OTOGL: variants seen among roughly 807,000 people sequenced by gnomAD.
OTOGL encodes otogelin-like protein.
A neutral mutation model predicts 318.5 loss-of-function variants in OTOGL; 285 were observed. The ratio of observed to expected loss-of-function variants is 0.89; its 90% CI spans 0.81 to 0.99. The LOEUF (loss-of-function observed/expected upper bound fraction) is 0.99. OTOGL is among the 50% of genes least tolerant of loss of function. The pLI is 0.00. For synonymous variants in OTOGL, 987 were observed against 936.5 expected (o/e 1.05, Z -0.99); for missense variants, 2,899 against 2,845.6 (o/e 1.02, Z -0.43).
At chr12:80,186,640 A>C (rs528673314) in intron 1 of OTOGL, among the ~76,000 whole-genome samples, 1 of 152,152 alleles carries the variant, frequency 6.6e-6, no homozygotes, top group African/African-American at 2.4e-5. Context: ...CGTATCGCTC[A>C]CCACTCCCAA....
At chr12:80,194,011 C>T (rs1022075962) in intron 1 of OTOGL, among the ~76,000 whole-genome samples, 1 of 152,088 alleles carries the variant, frequency 6.6e-6, no homozygotes, top group Non-Finnish European at 1.5e-5. Flanking sequence ...GTGTAGTGGA[C>T]CTTTGTTGTT....
In OTOGL at chr12:80,368,321, G is replaced by A; in HGVS notation, c.6615+12G>A. On this transcript the variant is annotated intron_variant, in intron 55 of 58. Transcript: ENST00000547103. ...CAGTTGTATACGCGGTATGTTTCAT[G>A]GAGAGTAATGCTCTGTGCTATTTTC... The A allele has an allele frequency of 6.5e-7, 1 of 1,545,472 alleles. No individual in the cohort carries two copies. Among genetic ancestry groups the A allele is most frequent in the Non-Finnish European group, 8.8e-7 (1 of 1,132,624 alleles).
At chr12:80,191,373 G>C (rs951694187) in intron 1 of OTOGL, among the ~76,000 whole-genome samples, 2 of 152,340 alleles carry the variant, frequency 1.3e-5, no homozygotes, top group Admixed American at 1.3e-4. Context: ...AGGAGGCGGA[G>C]GTTGCAGTGA....
At position 80,355,224 on chromosome 12, in the gene OTOGL, CTTTTCT is replaced by C. The variant is rs765910039; in HGVS notation, c.5594-507_5594-502del. Among the ~76,000 whole-genome samples the C allele has an allele frequency of 3.9e-3, 257 of 65,604 alleles. 3 individuals carry two copies. The highest frequency in any genetic ancestry group is 0.011 in the Middle Eastern group (1 of 92). 43.0% of individuals were successfully genotyped at this position (65,604 alleles called of 152,430 possible). A position where few individuals can be genotyped will look rare whatever the true frequency, so the allele number is the denominator to read the frequency against. On this transcript the variant is annotated intron_variant, in intron 46 of 58. Transcript: ENST00000547103. ...ACTTTTTTCTTTTCTTTCTTTCTTT[CTTTTCT>C]TTTTTTTTTTTTTTTTTTGAGACAG...
intron 44 of OTOGL, among the ~76,000 whole-genome samples, chr12:80,347,766 A>T (rs1889289883): frequency 6.6e-6 from 1 of 152,100 alleles, no homozygotes. Context: ...CTCTTTCTCC[A>T]CATCCTCTCC....
At chr12:80,302,230 A>G (rs1299922999) in intron 27 of OTOGL, among the ~76,000 whole-genome samples, 5 of 152,234 alleles carry the variant, frequency 3.3e-5, no homozygotes, top group African/African-American at 1.2e-4. Flanking sequence ...AAACATGCGC[A>G]GGAACAAATT....
chr12:80,262,030 T>C lies in OTOGL; in HGVS notation c.1951T>C (p.Ser651Pro). The C allele has an allele frequency of 6.2e-7, 1 of 1,613,222 alleles. No homozygotes were observed. The highest frequency in any genetic ancestry group is 8.5e-7 in the Non-Finnish European group (1 of 1,179,394). ...TCACGCAAATGCGTGGAGAGTTTCT[T>C]CTACCTGTTTTGCACCTGTTCATGT... ...QLHANAWRVS[S>P]TCFAPVHVPV... The change falls in exon 19 of 59, where the codon TCT (serine) becomes CCT (proline). Residue 651 changes from serine to proline, a missense_variant. Ser to Pro is a moderately conservative substitution (Grantham distance 74). Coordinates refer to ENST00000547103, the MANE Select transcript of OTOGL (RefSeq NM_001378609.3).
intron 1 of OTOGL, among the ~76,000 whole-genome samples, chr12:80,160,466 C>A (rs1031638056): frequency 6.6e-6 from 1 of 152,000 alleles, no homozygotes; most frequent in Non-Finnish European, 1.5e-5. Context: ...AAATGGCCAA[C>A]AAACATATGA....
intron 26 of OTOGL, among the ~76,000 whole-genome samples, chr12:80,294,922 T>C (rs1260148607): frequency 6.6e-6 from 1 of 152,052 alleles, no homozygotes; most frequent in Non-Finnish European, 1.5e-5. Context: ...ACCCTGCCTC[T>C]ACAAAAAAAT....
chr12:80,128,689 T>A (rs1449048870), intron 1 of OTOGL, among the ~76,000 whole-genome samples: 1 of 152,200 alleles, frequency 6.6e-6, no homozygotes, highest in Non-Finnish European at 1.5e-5. Context: ...AGGCTCCACC[T>A]AGTTCGAGCT....
chr12:80,346,371 A>T (rs969722445), intron 44 of OTOGL, among the ~76,000 whole-genome samples: 3 of 152,004 alleles, frequency 2.0e-5, no homozygotes, highest in Admixed American at 6.6e-5. Context: ...CTGTTGCAAG[A>T]AAAAAAAGAA....
At chr12:80,205,627 CAAGATTCT>C (rs1465475809) in intron 1 of OTOGL, among the ~76,000 whole-genome samples, 1 of 152,108 alleles carries the variant, frequency 6.6e-6, no homozygotes, top group Non-Finnish European at 1.5e-5. Context: ...TTTAAAGATA[CAAGATTCT>C]ATTTGCTGGC....
At chr12:80,332,285 A>G (rs576675353) in intron 37 of OTOGL, among the ~76,000 whole-genome samples, 1 of 152,312 alleles carries the variant, frequency 6.6e-6, no homozygotes, top group Non-Finnish European at 1.5e-5. Context: ...AATTTGTGGT[A>G]ATTCATTACA....
At position 80,336,135 on chromosome 12, in the gene OTOGL, G is replaced by T. The variant is rs760156993; in HGVS notation, c.4595G>T (p.Cys1532Phe). The change falls in exon 39 of 59, where the codon TGT becomes TTT. Residue 1532 changes from cysteine (C) to phenylalanine (F), a missense_variant. Around this residue, in one of 3 missense-constraint regions of OTOGL, gnomAD observed 2,607 missense variants for 2,524.9 expected, o/e 1.03. Coordinates refer to ENST00000547103, the MANE Select transcript of OTOGL (RefSeq NM_001378609.3). The stretch of plus-strand genomic sequence containing the variant: ...GATATCTGCTGCCCTGAGTGGGAAT[G>T]TCCTTGTAAGTTTGCATTTCTTAAG... The part of the protein sequence containing the change: ...NSDICCPEWE[C>F]PCRCSMLSEL... 3.2e-6 allele frequency: 5 copies of T among 1,573,586 alleles called. No homozygotes were observed. Among genetic ancestry groups the T allele is most frequent in the Non-Finnish European group, 4.3e-6 (5 of 1,171,366 alleles).
chr12:80,125,087 G>A (rs1252941795), intron 1 of OTOGL, among the ~76,000 whole-genome samples: 1 of 152,212 alleles, frequency 6.6e-6, no homozygotes, highest in Non-Finnish European at 1.5e-5. Context: ...GAATAGGAGT[G>A]GTGAGGGAGG....
intron 18 of OTOGL, among the ~76,000 whole-genome samples, chr12:80,259,637 G>GT (rs1471685872): frequency 6.6e-6 from 1 of 151,982 alleles, no homozygotes; most frequent in Non-Finnish European, 1.5e-5. Context: ...GCGGTGATTG[G>GT]TTTTCCGTTC....
At chr12:80,241,854 A>G (rs758150771) in intron 11 of OTOGL, among the ~76,000 whole-genome samples, 6 of 151,894 alleles carry the variant, frequency 4.0e-5, no homozygotes, top group Admixed American at 1.3e-4. Context: ...TTGTTGCTAC[A>G]TTTTTCCTTT....
At chr12:80,268,678 G>T (rs897609303) in intron 22 of OTOGL, among the ~76,000 whole-genome samples, 3 of 151,986 alleles carry the variant, frequency 2.0e-5, no homozygotes, top group African/African-American at 7.3e-5. Context: ...CACCTAATCA[G>T]TAAATACCCA....
In OTOGL at chr12:80,141,546, C is replaced by T. The variant is rs533656126; in HGVS notation, c.-20+41941C>T. Among the ~76,000 whole-genome samples, 6 of 152,230 alleles carry T rather than the reference C, an allele frequency of 3.9e-5. No homozygotes were observed. The South Asian group carries it at 6.2e-4, about 16-fold the overall frequency. On this transcript the variant is annotated intron_variant, in intron 1 of 58. Transcript: ENST00000547103. ...CTCAATCCCAGAAGAGCTCAATACA[C>T]ATGCAATGAGTAAATAAAAAGGTGT...
Sources: gnomAD v4.1 joint callset for allele counts (sites outside exome capture counted in the v4.1 genomes callset) on GRCh38, gnomAD v4.1.1 for gene constraint, gnomAD v4.1.1 regional missense constraint, MANE v1.5 for transcripts, NCBI Gene and HGNC (gene_info 2026-07-23, HGNC 2026-07-21) for gene names.